OPHN1: variants seen among roughly 807,000 people sequenced by gnomAD.
OPHN1 encodes oligophrenin-1.
Under a neutral mutation model 60.7 loss-of-function variants are expected in OPHN1, and 11 were observed. The ratio of observed to expected loss-of-function variants is 0.18; its 90% CI spans 0.11 to 0.30. OPHN1 has a LOEUF of 0.30. Among genes scored for constraint, OPHN1 ranks in the 10% least tolerant of loss-of-function variants. OPHN1 has a pLI of 1.00. For synonymous variants in OPHN1, 226 were observed against 222.6 expected (o/e 1.02, Z -0.14); for missense variants, 449 against 611.0 (o/e 0.73, Z 2.80).
chrX:68,396,037 T>C (rs745431579), intron 2 of OPHN1, among the ~76,000 whole-genome samples: 1 of 110,648 alleles, frequency 9.0e-6, no homozygotes, highest in Non-Finnish European at 1.9e-5. Context: ...TATCCGGGAT[T>C]CAGAGCAATA....
At chrX:68,401,437 T>TCTAAAAGC (rs2078713974) in intron 2 of OPHN1, among the ~76,000 whole-genome samples, 1 of 111,948 alleles carries the variant, frequency 8.9e-6, no homozygotes, top group Non-Finnish European at 1.9e-5. Flanking sequence ...ACAAATACTT[T>TCTAAAAGC]CTAAAAGCCT....
intron 6 of OPHN1, among the ~76,000 whole-genome samples, chrX:68,216,770 G>A (rs1361355691): frequency 9.0e-6 from 1 of 111,224 alleles, no homozygotes; most frequent in Non-Finnish European, 1.9e-5. Flanking sequence ...GAATCTACAA[G>A]GAACTCCAAC....
chrX:68,408,516 G>A (rs183432955), intron 2 of OPHN1, among the ~76,000 whole-genome samples: 8 of 112,224 alleles, frequency 7.1e-5, no homozygotes, highest in African/African-American at 2.3e-4. Flanking sequence ...ATTAGAGACC[G>A]TTTTTGGAAA....
rs190714995 is a variant in OPHN1 at position 68,125,872 on chromosome X, C to A, written c.1277-6540G>T. 1.3e-3 allele frequency among the ~76,000 whole-genome samples: 124 copies of A among 91,857 alleles called. 1 individual carries two copies. Among genetic ancestry groups the A allele is most frequent in the Non-Finnish European group, 2.3e-3 (110 of 46,984 alleles). 79.8% of individuals were successfully genotyped at this position (91,857 alleles called of 115,157 possible). On this transcript the variant is annotated intron_variant, in intron 15 of 24. Transcript: ENST00000355520. ...CCCTGATACCAAAACCAGACCAAAACACATCAAAAAAACAAACTAACAAAC... is the reference window on the plus strand; with the variant it reads ...CCCTGATACCAAAACCAGACCAAAAAACATCAAAAAAACAAACTAACAAAC...
intron 2 of OPHN1, among the ~76,000 whole-genome samples, chrX:68,397,852 C>CT (rs978861925): frequency 6.3e-5 from 7 of 111,118 alleles, no homozygotes; most frequent in African/African-American, 2.3e-4. Flanking sequence ...ATTCCCTGGG[C>CT]TTTTTTCCCT....
At chrX:68,158,947 C>T (rs1358946032) in intron 15 of OPHN1, among the ~76,000 whole-genome samples, 1 of 111,668 alleles carries the variant, frequency 9.0e-6, no homozygotes, top group Non-Finnish European at 1.9e-5. Context: ...GGCAGAGGTT[C>T]CATGCAGGGA....
In OPHN1 at chrX:68,171,946, A is replaced by C. The variant is rs1357379344; in HGVS notation, c.1276+20973T>G. ...CAGACCCTCGTAAATAGCTATAATA[A>C]ATATAAGACAGAAAATAATGAACGT... On this transcript the variant is annotated intron_variant, in intron 15 of 24. Transcript: ENST00000355520. Among the ~76,000 whole-genome samples the C allele has an allele frequency of 5.4e-5, 6 of 111,420 alleles. No individual in the cohort carries two copies. The Admixed American group carries it at 5.8e-4, about 11-fold the overall frequency.
At chrX:68,163,009 A>C (rs2077341506) in intron 15 of OPHN1, among the ~76,000 whole-genome samples, 1 of 111,295 alleles carries the variant, frequency 9.0e-6, no homozygotes, top group Non-Finnish European at 1.9e-5. Flanking sequence ...CTTTAGTCTG[A>C]ATCTTTGCAA....
chrX:68,196,563 T>C (rs1464543775), intron 12 of OPHN1, among the ~76,000 whole-genome samples: 5 of 111,799 alleles, frequency 4.5e-5, no homozygotes, highest in Non-Finnish European at 9.4e-5. Context: ...CCAGAATGTT[T>C]TTCAATTATT....
intron 7 of OPHN1, among the ~76,000 whole-genome samples, chrX:68,213,274 G>A (rs1394235378): frequency 9.0e-6 from 1 of 111,638 alleles, no homozygotes; most frequent in Non-Finnish European, 1.9e-5. Flanking sequence ...AGGAGGCTGA[G>A]GTGGGAGGAT....
intron 2 of OPHN1, among the ~76,000 whole-genome samples, chrX:68,428,780 A>G (rs1426916558): frequency 6.2e-5 from 7 of 112,155 alleles, no homozygotes. Context: ...CTACCAATAT[A>G]AAAATAAAGG....
At chrX:68,060,214 C>G (rs2013405755) in intron 21 of OPHN1, among the ~76,000 whole-genome samples, 1 of 110,564 alleles carries the variant, frequency 9.0e-6, no homozygotes, top group Non-Finnish European at 1.9e-5. Flanking sequence ...AATTTTGTAC[C>G]CCCCCAAAAG....
chrX:68,058,506 A>G (rs2076881720), intron 21 of OPHN1, among the ~76,000 whole-genome samples: 1 of 111,547 alleles, frequency 9.0e-6, no homozygotes, highest in Non-Finnish European at 1.9e-5. Context: ...CCTTGAGGTT[A>G]GTTCGCCTCT....
At chrX:68,406,584 C>G (rs915227646) in intron 2 of OPHN1, among the ~76,000 whole-genome samples, 4 of 110,799 alleles carry the variant, frequency 3.6e-5, no homozygotes, top group African/African-American at 1.3e-4. Context: ...TGCGCTCCAG[C>G]CTGTGCAACA....
Position 68,252,782 on chromosome X carries a change from T to A in OPHN1, c.385-18194A>T, listed in dbSNP as rs1010331537. Among the ~76,000 whole-genome samples, 3 of 111,446 alleles carry A rather than the reference T, an allele frequency of 2.7e-5. No homozygotes were observed. In the East Asian group the frequency reaches 8.4e-4, roughly 31 times the overall value. ...TTTTCCCCCCTTACTTGCCTACTAA[T>A]GCCAGCCACTTCCTAATTGTCAACG... On this transcript the variant is annotated intron_variant, in intron 5 of 24. Transcript: ENST00000355520.
chrX:68,145,276 T>C (rs2077259081), intron 15 of OPHN1, among the ~76,000 whole-genome samples: 1 of 111,764 alleles, frequency 8.9e-6, no homozygotes, highest in Admixed American at 9.5e-5. Context: ...TACATCTTGG[T>C]TATCATTCAT....
rs760612264 is a variant in OPHN1, at chrX:68,130,622, C to G, written c.1277-11290G>C. On this transcript the variant is annotated intron_variant, in intron 15 of 24. Coordinates refer to ENST00000355520, the MANE Select transcript of OPHN1 (RefSeq NM_002547.3). ...TTAAGACAATGGTGACTATGTAAAT[C>G]AAAATTTCCAAACATATCCTCCACA... is the stretch of plus-strand genomic sequence containing the variant. Among the ~76,000 whole-genome samples, 4 of 110,961 alleles carry G rather than the reference C, an allele frequency of 3.6e-5. No homozygotes were observed. The South Asian group carries it at 1.5e-3, about 42-fold the overall frequency.
intron 19 of OPHN1, among the ~76,000 whole-genome samples, chrX:68,079,262 TA>T (rs2076965662): frequency 9.0e-6 from 1 of 110,862 alleles, no homozygotes; most frequent in African/African-American, 3.3e-5. Context: ...GAACCCAAGC[TA>T]CTCTCCACTG....
chrX:68,238,227 C>A (rs1361605542), intron 5 of OPHN1, among the ~76,000 whole-genome samples: 2 of 111,045 alleles, frequency 1.8e-5, no homozygotes, highest in African/African-American at 6.5e-5. Flanking sequence ...ATGAATTTTT[C>A]CACTCCCCAT....
Sources: allele counts gnomAD v4.1 joint callset (sites outside exome capture counted in the v4.1 genomes callset), GRCh38; gene constraint gnomAD v4.1.1; transcripts MANE v1.5; gene names NCBI Gene and HGNC (gene_info 2026-07-23, HGNC 2026-07-21).